The following ANK3 variants were observed in gnomAD, a reference collection of about 807,000 sequenced individuals.
ANK3 encodes ankyrin 3, also known as ankyrin-3.
Under a neutral mutation model 370.9 loss-of-function variants are expected in ANK3, and 57 were observed. The ratio of observed to expected loss-of-function variants is 0.15; its 90% CI spans 0.12 to 0.19. The LOEUF is 0.19. Ranked by LOEUF, ANK3 falls within the 10% of genes least tolerant of loss-of-function variation. ANK3 has a pLI of 1.00. For missense variants in ANK3, 4,439 were observed against 5,302.1 expected (o/e 0.84, Z 5.06); for synonymous variants, 1,929 against 1,946.3 (o/e 0.99, Z 0.23).
chr10:60,496,166 A>G (rs1011687935), intron 2 of ANK3, among the ~76,000 whole-genome samples: 5 of 152,178 alleles, frequency 3.3e-5, no homozygotes, highest in Admixed American at 1.3e-4. Flanking sequence ...GGATACTACC[A>G]AGGTTCAACA....
At chr10:60,352,610 C>A (rs1372365337) in intron 1 of ANK3, among the ~76,000 whole-genome samples, 15 of 152,110 alleles carry the variant, frequency 9.9e-5, no homozygotes. Context: ...CAGGTGAGAA[C>A]TTCCTATGAT....
At chr10:60,041,140 T>C (rs2076019760) in intron 43 of ANK3, among the ~76,000 whole-genome samples, 1 of 152,248 alleles carries the variant, frequency 6.6e-6, no homozygotes, top group African/African-American at 2.4e-5. Flanking sequence ...CAATAGTCTC[T>C]CAACAGGTTT....
chr10:60,605,260 A>C (rs1315062739), intron 2 of ANK3, among the ~76,000 whole-genome samples: 2 of 152,018 alleles, frequency 1.3e-5, no homozygotes, highest in Non-Finnish European at 2.9e-5. Context: ...CACACATGAC[A>C]AGATGTGATC....
Position 60,322,031 on chromosome 10 carries a change from T to C in ANK3, c.115-42392A>G, listed in dbSNP as rs187570558. On this transcript the variant is annotated intron_variant, in intron 1 of 43. Transcript: ENST00000280772. ...CATAATATTTTACTGTAGTGCCCTA[T>C]GGTGATAAACCTTGAGTATCTAAAG... is the stretch of plus-strand genomic sequence containing the variant. Among the ~76,000 whole-genome samples the C allele has an allele frequency of 1.6e-3, 250 of 152,310 alleles. 1 individual carries two copies. The highest frequency in any genetic ancestry group is 5.7e-3 in the African/African-American group (239 of 41,580).
intron 2 of ANK3, among the ~76,000 whole-genome samples, chr10:60,450,541 T>G (rs982783272): frequency 6.6e-6 from 1 of 151,830 alleles, no homozygotes. Context: ...CCTGGAGAGA[T>G]AAGTAGGAGA....
Position 60,223,899 on chromosome 10 carries a change from A to G in ANK3, c.898-10389T>C, listed in dbSNP as rs1489026360. Among the ~76,000 whole-genome samples, 5 of 152,042 alleles carry G rather than the reference A, an allele frequency of 3.3e-5. No individual in the cohort carries two copies. The East Asian group carries it at 7.7e-4, about 23-fold the overall frequency. On this transcript the variant is annotated intron_variant, in intron 8 of 43. Transcript: ENST00000280772. Reference sequence around the variant, plus strand: ...TGGTTGATACTGTGCTTTGCAATGTAGCAGAGAACTGGCATATTCATTTCC... The same window carrying G: ...TGGTTGATACTGTGCTTTGCAATGTGGCAGAGAACTGGCATATTCATTTCC...
At chr10:60,540,187 T>A (rs1273515171) in intron 2 of ANK3, among the ~76,000 whole-genome samples, 1 of 151,830 alleles carries the variant, frequency 6.6e-6, no homozygotes, top group Non-Finnish European at 1.5e-5. Flanking sequence ...AGACAGTTGA[T>A]CTTGTTAAAT....
chr10:60,160,942 G>C (rs1003533342), intron 23 of ANK3, among the ~76,000 whole-genome samples: 1 of 152,116 alleles, frequency 6.6e-6, no homozygotes, highest in Middle Eastern at 3.2e-3. Flanking sequence ...CATACCCAAT[G>C]GGGAAAAACT....
intron 1 of ANK3, among the ~76,000 whole-genome samples, chr10:60,285,048 G>T (rs183980075): frequency 6.6e-6 from 1 of 151,944 alleles, no homozygotes; most frequent in African/African-American, 2.4e-5. Flanking sequence ...AGTGATGATC[G>T]CCTCTATTTC....
chr10:60,465,413 A>C (rs549437063), intron 2 of ANK3, among the ~76,000 whole-genome samples: 1 of 152,368 alleles, frequency 6.6e-6, no homozygotes, highest in African/African-American at 2.4e-5. Flanking sequence ...TATGATTTCC[A>C]GTTGCCTGGA....
chr10:60,107,017 G>T (rs935202504), intron 27 of ANK3, among the ~76,000 whole-genome samples: 4 of 152,076 alleles, frequency 2.6e-5, no homozygotes, highest in African/African-American at 7.2e-5. Context: ...ACAGGCTTAA[G>T]TAAGTAAGAG....
intron 2 of ANK3, among the ~76,000 whole-genome samples, chr10:60,429,661 C>A (rs559073912): frequency 2.1e-4 from 32 of 152,246 alleles, no homozygotes; most frequent in African/African-American, 6.7e-4. Flanking sequence ...TGGCTTGGCT[C>A]CCAACTGGCA....
chr10:60,234,420 C>T (rs1304991151), intron 8 of ANK3, among the ~76,000 whole-genome samples: 1 of 152,156 alleles, frequency 6.6e-6, no homozygotes, highest in Non-Finnish European at 1.5e-5. Context: ...GACCGAACAG[C>T]TTAGCTTACA....
intron 2 of ANK3, among the ~76,000 whole-genome samples, chr10:60,493,233 G>A (rs528072743): frequency 1.3e-5 from 2 of 152,270 alleles, no homozygotes; most frequent in East Asian, 3.9e-4. Flanking sequence ...AGACTAATGG[G>A]AGTTGCTGAC....
chr10:60,713,958 C>T (rs970450808), intron 1 of ANK3, among the ~76,000 whole-genome samples: 12 of 151,696 alleles, frequency 7.9e-5, no homozygotes, highest in African/African-American at 2.7e-4. Flanking sequence ...AAAGCTGGGT[C>T]TTTGCAAAGA....
chr10:60,244,803 G>A (rs2097528171), intron 7 of ANK3, among the ~76,000 whole-genome samples: 1 of 152,190 alleles, frequency 6.6e-6, no homozygotes, highest in South Asian at 2.1e-4. Context: ...TCTGAGGGAA[G>A]AGGTTGCATC....
chr10:60,610,518 G>T (rs913162990), intron 2 of ANK3, among the ~76,000 whole-genome samples: 2 of 148,334 alleles, frequency 1.3e-5, no homozygotes, highest in South Asian at 4.2e-4. Context: ...AAAAAAAAAT[G>T]CTTCCCGAAT....
At chr10:60,298,613 A>G (rs2043031281) in intron 1 of ANK3, among the ~76,000 whole-genome samples, 1 of 152,146 alleles carries the variant, frequency 6.6e-6, no homozygotes, top group African/African-American at 2.4e-5. Flanking sequence ...TCATTTTATT[A>G]CACGTTTTTT....
chr10:60,328,404 C>G (rs2050391140), intron 1 of ANK3, among the ~76,000 whole-genome samples: 1 of 152,102 alleles, frequency 6.6e-6, no homozygotes, highest in Non-Finnish European at 1.5e-5. Flanking sequence ...TTTATTTATA[C>G]TTAGGAGCAA....
Sources: allele counts gnomAD v4.1 joint callset (sites outside exome capture counted in the v4.1 genomes callset), GRCh38; gene constraint gnomAD v4.1.1; transcripts MANE v1.5; gene names NCBI Gene and HGNC (gene_info 2026-07-23, HGNC 2026-07-21).